Variants in DBF4 observed in about 807,000 individuals in gnomAD.
DBF4 encodes DBF4-CDC7 kinase regulatory subunit, also known as protein DBF4 homolog A.
A neutral mutation model predicts 76.6 loss-of-function variants in DBF4; 25 were observed. The ratio of observed to expected loss-of-function variants is 0.33; its 90% CI spans 0.24 to 0.46. The LOEUF (loss-of-function observed/expected upper bound fraction) is 0.46, where lower values mean the gene tolerates loss of function less well. Among genes scored for constraint, DBF4 ranks in the 20% least tolerant of loss-of-function variants. The pLI is 1.00. For missense variants in DBF4, 638 were observed against 760.8 expected (o/e 0.84, Z 1.90); for synonymous variants, 213 against 258.0 (o/e 0.83, Z 1.67).
rs150869069 is a variant in DBF4 at position 87,903,009 on chromosome 7, C to G, written c.925-1283C>G. 9.3e-3 allele frequency among the ~76,000 whole-genome samples: 1,415 copies of G among 152,244 alleles called. 21 individuals are homozygous for G. The highest frequency in any genetic ancestry group is 0.032 in the African/African-American group (1,340 of 41,540). ...GGAGATTCCACCTATTCACAAGGAA[C>G]TTTGTTTCCTGTGAATTTTATCTCA... On this transcript the variant is annotated intron_variant, in intron 10 of 11. Transcript: ENST00000265728.
In DBF4 at chr7:87,878,184, A is replaced by G. The variant is rs748812501; in HGVS notation, c.178A>G (p.Ile60Val). ...TTACCTTGACTTACCTTCTGTCACCATATCTGAAAAACTTCAAAAGGACAT... is the reference window on the plus strand; with the variant it reads ...TTACCTTGACTTACCTTCTGTCACCGTATCTGAAAAACTTCAAAAGGACAT... Reference protein sequence around the residue: ...VFYLDLPSVTISEKLQKDIKD... With the variant: ...VFYLDLPSVTVSEKLQKDIKD... The change falls in exon 2 of 12, where the codon ATA (isoleucine) becomes GTA (valine). Residue 60 changes from isoleucine (I) to valine (V), a missense_variant. Physicochemically the swap from Ile to Val is conservative, Grantham distance 29. Transcript: ENST00000265728. 7 of 1,612,684 alleles carry G rather than the reference A, an allele frequency of 4.3e-6. No homozygotes were observed. In the East Asian group the frequency reaches 8.9e-5, roughly 21 times the overall value.
At chr7:87,894,335 C>T (rs1839572441) in intron 6 of DBF4, among the ~76,000 whole-genome samples, 1 of 152,138 alleles carries the variant, frequency 6.6e-6, no homozygotes, top group South Asian at 2.1e-4. Context: ...TGGCATGCGC[C>T]TGTAGTCCCA....
At chr7:87,890,384 A>G (rs1172873392) in intron 6 of DBF4, among the ~76,000 whole-genome samples, 2 of 152,062 alleles carry the variant, frequency 1.3e-5, no homozygotes, top group Non-Finnish European at 2.9e-5. Context: ...AAATACAAAA[A>G]TGCCCGGTGT....
In DBF4 at chr7:87,908,380, A is replaced by G. The variant is rs893779541; in HGVS notation, c.*217A>G. ...TGACTGGTCTTGTTTTACATTATAT[A>G]TATGTTCGTAATTGTTTCCTGAGAA... On this transcript the variant is annotated 3_prime_UTR_variant, in exon 12 of 12. Transcript: ENST00000265728. 7 of 357,762 alleles carry G rather than the reference A, an allele frequency of 2.0e-5. No individual in the cohort carries two copies. Among genetic ancestry groups the G allele is most frequent in the Non-Finnish European group, 2.9e-5 (6 of 209,852 alleles). The allele number at this position is 357,762 out of a possible 1,614,324, so 22.2% of individuals were successfully genotyped here. A position where few individuals can be genotyped will look rare whatever the true frequency, so the allele number is the denominator to read the frequency against.
chr7:87,905,878 G>A (rs921098906), intron 11 of DBF4, among the ~76,000 whole-genome samples: 8 of 151,574 alleles, frequency 5.3e-5, no homozygotes, highest in Admixed American at 4.6e-4. Context: ...GTGGGCTACT[G>A]TGCCCAGGCA....
intron 3 of DBF4, among the ~76,000 whole-genome samples, chr7:87,886,189 T>C (rs1456614921): frequency 6.6e-6 from 1 of 152,106 alleles, no homozygotes; most frequent in Non-Finnish European, 1.5e-5. Flanking sequence ...GATTCCAAAA[T>C]AATTGTTGGT....
At chr7:87,897,886 T>G (rs1326766958) in intron 8 of DBF4, among the ~76,000 whole-genome samples, 1 of 151,262 alleles carries the variant, frequency 6.6e-6, no homozygotes. Context: ...CAAGCAATTC[T>G]CCTGCCTCAG....
chr7:87,896,608 C>G (rs1839645935), intron 7 of DBF4, 98 bp downstream of exon 7: 2 of 1,091,772 alleles, frequency 1.8e-6, no homozygotes, highest in Admixed American at 2.2e-5. Flanking sequence ...ATGATTTATT[C>G]AAGGCTTTCT....
chr7:87,893,756 A>G (rs1331486547), intron 6 of DBF4, among the ~76,000 whole-genome samples: 1 of 152,208 alleles, frequency 6.6e-6, no homozygotes, highest in Non-Finnish European at 1.5e-5. Context: ...TTTTTCATCA[A>G]ATTTGGCAAT....
At position 87,876,618 on chromosome 7, in the gene DBF4, C is replaced by A; in HGVS notation, c.-115C>A. The A allele has an allele frequency of 1.7e-6, 2 of 1,196,130 alleles. No homozygotes were observed. The highest frequency in any genetic ancestry group is 1.2e-6 in the Non-Finnish European group (1 of 822,984). The allele number at this position is 1,196,130 out of a possible 1,614,324, so 74.1% of individuals were successfully genotyped here. ...TACCTCTACTGCGTAGAGGCCGTAGCTGGCGGAAGGAGAGAGGCGGCCGTC... is the reference window on the plus strand; with the variant it reads ...TACCTCTACTGCGTAGAGGCCGTAGATGGCGGAAGGAGAGAGGCGGCCGTC... On this transcript the variant is annotated 5_prime_UTR_variant, in exon 1 of 12. It adds an upstream start codon to the 5' untranslated region. Transcript: ENST00000265728.
Position 87,907,607 on chromosome 7 carries a change from T to G in DBF4, c.1469T>G (p.Val490Gly). 1.2e-6 allele frequency: 2 copies of G among 1,614,118 alleles called. No homozygotes were observed. Among genetic ancestry groups the G allele is most frequent in the Non-Finnish European group, 1.7e-6 (2 of 1,179,966 alleles). ...TATAAATGTAACATACAGGCATCTG[T>G]ACATGTTTCTGATTTCAGTACAGAT... ...DHYKCNIQAS[V>G]HVSDFSTDNS... Residue 490 changes from valine to glycine, a missense_variant, in exon 12 of 12, where the codon GTA becomes GGA. Coordinates refer to ENST00000265728, the MANE Select transcript of DBF4 (RefSeq NM_006716.4).
intron 6 of DBF4, among the ~76,000 whole-genome samples, chr7:87,894,057 T>C (rs1224486457): frequency 1.3e-5 from 2 of 152,238 alleles, no homozygotes; most frequent in Non-Finnish European, 2.9e-5. Context: ...CCTTAAAATA[T>C]TCAAGCCCTT....
chr7:87,887,115 A>G (rs1022763742), intron 4 of DBF4, among the ~76,000 whole-genome samples: 2 of 152,210 alleles, frequency 1.3e-5, no homozygotes, highest in Non-Finnish European at 2.9e-5. Flanking sequence ...CTTGCCTTAT[A>G]GTTTTCATTA....
chr7:87,903,987 C>T (rs1045725898), intron 10 of DBF4, among the ~76,000 whole-genome samples: 4 of 152,020 alleles, frequency 2.6e-5, no homozygotes, highest in Admixed American at 2.0e-4. Context: ...TGAGCCACTG[C>T]GCCTGATCTG....
At position 87,907,819 on chromosome 7, in the gene DBF4, T is replaced by C. The variant is rs749636195; in HGVS notation, c.1681T>C (p.Cys561Arg). The change falls in exon 12 of 12, where the codon TGT becomes CGT. Residue 561 changes from cysteine (C) to arginine (R), a missense_variant. Physicochemically the swap from Cys to Arg is radical, Grantham distance 180 (BLOSUM62 -3). Transcript: ENST00000265728. ...FHTPPEEPNECDFKNMDSLPS... is the reference protein window; with the variant it reads ...FHTPPEEPNERDFKNMDSLPS... The stretch of plus-strand genomic sequence containing the variant: ...TACTCCTCCTGAGGAACCCAATGAA[T>C]GTGACTTCAAGAATATGGATAGTTT... 6 of 1,613,960 alleles carry C rather than the reference T, an allele frequency of 3.7e-6. No homozygotes were observed. In the South Asian group the frequency reaches 6.6e-5, roughly 18 times the overall value.
At chr7:87,904,238 C>T (rs1839862391) in intron 10 of DBF4, 54 bp from the exon 11 acceptor site, 3 of 1,530,774 alleles carry the variant, frequency 2.0e-6, no homozygotes, top group Non-Finnish European at 2.6e-6. Context: ...ATTAAAAAGG[C>T]ATCTCTTGAT....
chr7:87,878,777 G>A (rs1478688620), intron 2 of DBF4, among the ~76,000 whole-genome samples: 1 of 152,166 alleles, frequency 6.6e-6, no homozygotes, highest in Admixed American at 6.5e-5. Flanking sequence ...AAAATTCTAG[G>A]ACCTTAATAG....
intron 2 of DBF4, among the ~76,000 whole-genome samples, chr7:87,884,647 T>C (rs949235875): frequency 2.6e-5 from 4 of 152,274 alleles, no homozygotes; most frequent in Non-Finnish European, 4.4e-5. Flanking sequence ...TGTGCTGTTA[T>C]AGGAGCTCTT....
Position 87,885,007 on chromosome 7 carries a change from T to C in DBF4, c.248T>C (p.Ile83Thr), listed in dbSNP as rs778431716. 2.5e-6 allele frequency: 4 copies of C among 1,611,958 alleles called. No homozygotes were observed. The highest frequency in any genetic ancestry group is 1.7e-5 in the Admixed American group (1 of 59,864). ...GRVEEFLSKD[I>T]SYLISNKKEA... Reference sequence around the variant, plus strand: ...GTTGAAGAATTTCTCAGCAAAGATATCAGTTATCTTATTTCAAATAAGAAG... The same window carrying C: ...GTTGAAGAATTTCTCAGCAAAGATACCAGTTATCTTATTTCAAATAAGAAG... The change falls in exon 3 of 12, where the codon ATC becomes ACC. Residue 83 changes from isoleucine (I) to threonine (T), a missense_variant. By Grantham distance (89) the Ile-to-Thr change is moderately conservative (BLOSUM62 -1). Coordinates refer to ENST00000265728, the MANE Select transcript of DBF4 (RefSeq NM_006716.4).
Sources: allele counts gnomAD v4.1 joint callset (sites outside exome capture counted in the v4.1 genomes callset), GRCh38; gene constraint gnomAD v4.1.1; transcripts MANE v1.5; gene names NCBI Gene and HGNC (gene_info 2026-07-23, HGNC 2026-07-21).